CEMIP: variants seen among roughly 807,000 people sequenced by gnomAD.
The protein encoded by CEMIP is cell migration inducing hyaluronidase 1, also known as cell migration-inducing and hyaluronan-binding protein.
In CEMIP, 105 loss-of-function variants were observed where a neutral mutation model predicts 156.9. The observed-to-expected ratio is 0.67, with a 90% CI of 0.57 to 0.79. CEMIP has a LOEUF of 0.79. Ranked by LOEUF, CEMIP falls within the 30% of genes least tolerant of loss-of-function variation. The probability of loss-of-function intolerance (pLI) is 0.00; values close to 1 mark genes in which losing one functional copy is unlikely to be tolerated. For synonymous variants in CEMIP, 676 were observed against 668.4 expected, an observed-to-expected ratio of 1.01 and a Z score of -0.17; for missense variants, 1,457 against 1,769.4, an observed-to-expected ratio of 0.82 and a Z score of 3.17.
At chr15:80,815,303 GT>G (rs1896765272) in intron 1 of CEMIP, among the ~76,000 whole-genome samples, 1 of 152,242 alleles carries the variant, frequency 6.6e-6, no homozygotes, top group Admixed American at 6.5e-5. Flanking sequence ...CCAATTCCCA[GT>G]GCTGTGGTGA....
chr15:80,887,871 T>C, intron 8 of CEMIP, 107 bp downstream of exon 8: 1 of 937,834 alleles, frequency 1.1e-6, no homozygotes, highest in Admixed American at 2.0e-5. Flanking sequence ...GCTTCCCAGC[T>C]CCCAATGTCT....
chr15:80,906,815 G>A lies in CEMIP; in HGVS notation c.1564G>A (p.Asp522Asn), dbSNP rs762514710. 25 of 1,613,682 alleles carry A rather than the reference G, an allele frequency of 1.5e-5. No individual in the cohort carries two copies. The highest frequency in any genetic ancestry group is 5.0e-5 in the Admixed American group (3 of 59,940). The change falls in exon 13 of 30, where the codon GAT becomes AAT. Residue 522 changes from aspartate to asparagine, a missense_variant. Around this residue, in one of 5 missense-constraint regions of CEMIP, gnomAD observed 280 missense variants for 300.3 expected, o/e 0.93. Transcript: ENST00000394685. This position sits in a 1 kb window ranked among gnomAD's most constrained non-coding sequence, Gnocchi z 4.3. ...RNHICNFFDF[D>N]TFGGHIKFAL... ...CCACATCTGCAATTTCTTTGACTTC[G>A]ATACCTTTGGGGGCCACATCAAGGT...
intron 12 of CEMIP, among the ~76,000 whole-genome samples, chr15:80,901,366 C>T (rs144835290): frequency 6.6e-6 from 1 of 152,244 alleles, no homozygotes; most frequent in Non-Finnish European, 1.5e-5. Flanking sequence ...CCACGAGCCA[C>T]ATGTGGCTAC....
intron 1 of CEMIP, among the ~76,000 whole-genome samples, chr15:80,831,684 G>T (rs889539658): frequency 6.6e-6 from 1 of 152,212 alleles, no homozygotes; most frequent in African/African-American, 2.4e-5. Context: ...GGAGTATCCA[G>T]GTTCCAACTG....
chr15:80,802,440 C>G (rs998765509), intron 1 of CEMIP, among the ~76,000 whole-genome samples: 4 of 152,238 alleles, frequency 2.6e-5, no homozygotes, highest in Non-Finnish European at 5.9e-5. Flanking sequence ...CCAGCCCTTA[C>G]CCACAGTGTC....
chr15:80,810,736 C>G (rs965427563), intron 1 of CEMIP, among the ~76,000 whole-genome samples: 4 of 152,116 alleles, frequency 2.6e-5, no homozygotes, highest in Non-Finnish European at 5.9e-5. Context: ...GTCTATTCAC[C>G]TATCCACCCA....
intron 21 of CEMIP, among the ~76,000 whole-genome samples, chr15:80,930,911 T>C (rs1900889674): frequency 6.6e-6 from 1 of 152,100 alleles, no homozygotes; most frequent in South Asian, 2.1e-4. Context: ...AGCATACATG[T>C]TGGGTTTGGA....
intron 1 of CEMIP, among the ~76,000 whole-genome samples, chr15:80,844,221 G>GC (rs1393961800): frequency 6.6e-6 from 1 of 152,204 alleles, no homozygotes; most frequent in African/African-American, 2.4e-5. Context: ...CTGCTTGTGT[G>GC]CCCCCACCCC....
At chr15:80,921,801 C>T (rs1380355048) in intron 16 of CEMIP, among the ~76,000 whole-genome samples, 1 of 152,240 alleles carries the variant, frequency 6.6e-6, no homozygotes, top group Non-Finnish European at 1.5e-5. Context: ...CCATCAAGGG[C>T]TTTAACTGTC....
intron 1 of CEMIP, among the ~76,000 whole-genome samples, chr15:80,796,647 G>A (rs1453282405): frequency 1.3e-5 from 2 of 152,168 alleles, no homozygotes; most frequent in Non-Finnish European, 2.9e-5. Flanking sequence ...CTGCCAGGTA[G>A]ATCAATAAAA....
rs867602180 is a variant in CEMIP, at chr15:80,910,100, G to A, written c.1797+794G>A. On this transcript the variant is annotated intron_variant, in intron 14 of 29. Coordinates refer to ENST00000394685, the MANE Select transcript of CEMIP (RefSeq NM_001293298.2). ...AATGACACCCTTTAAGCTGAATCCA[G>A]CTACACGATGTGTTTTGTTTGGCTT... Among the ~76,000 whole-genome samples the A allele has an allele frequency of 2.0e-4, 31 of 152,298 alleles. 1 individual carries two copies. The highest frequency in any genetic ancestry group is 1.0e-3 in the South Asian group (5 of 4,830).
At chr15:80,793,825 T>C (rs531111690) in intron 1 of CEMIP, among the ~76,000 whole-genome samples, 1 of 152,264 alleles carries the variant, frequency 6.6e-6, no homozygotes, top group Admixed American at 6.5e-5. Context: ...GGGACCTATG[T>C]TGGGGAAACA....
chr15:80,814,196 C>A (rs1436521006), intron 1 of CEMIP, among the ~76,000 whole-genome samples: 1 of 152,040 alleles, frequency 6.6e-6, no homozygotes, highest in Non-Finnish European at 1.5e-5. Flanking sequence ...CTACAGGTGC[C>A]CGCCACCACG....
intron 14 of CEMIP, among the ~76,000 whole-genome samples, chr15:80,916,486 A>C (rs1900279556): frequency 6.6e-6 from 1 of 152,232 alleles, no homozygotes; most frequent in African/African-American, 2.4e-5. Context: ...GGGAGAACTT[A>C]CATATTACTT....
intron 12 of CEMIP, among the ~76,000 whole-genome samples, chr15:80,904,576 CA>C (rs1214089489): frequency 6.6e-6 from 1 of 152,010 alleles, no homozygotes; most frequent in Non-Finnish European, 1.5e-5. Flanking sequence ...AATGTGATCA[CA>C]AGGGTCCTTA....
intron 1 of CEMIP, among the ~76,000 whole-genome samples, chr15:80,822,009 G>C (rs538750273): frequency 6.6e-6 from 1 of 152,232 alleles, no homozygotes; most frequent in Non-Finnish European, 1.5e-5. Context: ...CCTTGAGACT[G>C]TGGTGCTATG....
intron 1 of CEMIP, among the ~76,000 whole-genome samples, chr15:80,861,052 A>G (rs1258260369): frequency 6.6e-6 from 1 of 151,832 alleles, no homozygotes; most frequent in Non-Finnish European, 1.5e-5. Context: ...ATTGGTTTCT[A>G]TTCTTCCTCC....
intron 10 of CEMIP, among the ~76,000 whole-genome samples, chr15:80,894,560 A>G (rs1396067635): frequency 6.6e-6 from 1 of 152,178 alleles, no homozygotes; most frequent in Non-Finnish European, 1.5e-5. Context: ...GGGACTGGGC[A>G]TGAGTATTTT....
At chr15:80,921,269 G>C (rs751448892) in intron 16 of CEMIP, among the ~76,000 whole-genome samples, 168 bp downstream of exon 16, 1 of 152,108 alleles carries the variant, frequency 6.6e-6, no homozygotes, top group Non-Finnish European at 1.5e-5. Context: ...GGGGTGGTGG[G>C]GCAGGGGGCG....
Sources: gnomAD v4.1 joint callset for allele counts (sites outside exome capture counted in the v4.1 genomes callset) on GRCh38, gnomAD v4.1.1 for gene constraint, gnomAD v4.1.1 regional missense constraint, Gnocchi (gnomAD v3.1) non-coding constraint, MANE v1.5 for transcripts, NCBI Gene and HGNC (gene_info 2026-07-23, HGNC 2026-07-21) for gene names.